DISP1: variants seen among roughly 807,000 people sequenced by gnomAD.
DISP1 encodes dispatched RND transporter family member 1.
Under a neutral mutation model 37.3 loss-of-function variants are expected in DISP1, and 30 were observed. The ratio of observed to expected loss-of-function variants is 0.80; its 90% confidence interval spans 0.60 to 1.09. The LOEUF (loss-of-function observed/expected upper bound fraction) is 1.09, where lower values mean the gene tolerates loss of function less well. DISP1 is among the 50% of genes least tolerant of loss of function. The probability of loss-of-function intolerance (pLI) is 0.00; values close to 1 mark genes in which losing one functional copy is unlikely to be tolerated. For missense variants in DISP1, 1,598 were observed against 1,879.5 expected (o/e 0.85, Z 2.77); for synonymous variants, 634 against 690.2 (o/e 0.92, Z 1.28).
chr1:222,846,356 T>A (rs1276898452), intron 1 of DISP1, among the ~76,000 whole-genome samples: 1 of 152,172 alleles, frequency 6.6e-6, no homozygotes, highest in African/African-American at 2.4e-5. Flanking sequence ...CTGGGTGTGG[T>A]GGCGCATGCC....
chr1:222,862,354 C>T (rs186187103), intron 1 of DISP1, among the ~76,000 whole-genome samples: 98 of 151,932 alleles, frequency 6.5e-4, no homozygotes, highest in Non-Finnish European at 1.0e-3. Context: ...GCCATTACAC[C>T]CTTTTACTCC....
intron 8 of DISP1, 35 bp from the exon 9 acceptor site, chr1:223,002,350 A>T (rs1679518542): frequency 6.3e-7 from 1 of 1,592,308 alleles, no homozygotes; most frequent in African/African-American, 1.3e-5. Flanking sequence ...AACCAATTTA[A>T]ACTGTAGTCC....
chr1:222,992,002 T>C lies in DISP1; in HGVS notation c.792-11T>C. 3 of 1,603,544 alleles carry C rather than the reference T, an allele frequency of 1.9e-6. No homozygotes were observed. The highest frequency in any genetic ancestry group is 2.6e-6 in the Non-Finnish European group (3 of 1,170,540). ...AACTTTATTGAAGATCAAATTGTCG[T>C]TCCATTTCAGCCATCGGGATGATAG... is the stretch of plus-strand genomic sequence containing the variant. On this transcript the variant is annotated splice_polypyrimidine_tract_variant and intron_variant, in intron 6 of 8. Transcript: ENST00000675850.
chr1:222,978,424 C>G (rs573151895), intron 3 of DISP1, among the ~76,000 whole-genome samples: 1 of 152,200 alleles, frequency 6.6e-6, no homozygotes, highest in Admixed American at 6.5e-5. Context: ...GATATTAGCC[C>G]GTTGTCAGAT....
At chr1:222,914,953 C>T (rs1272639906) in intron 1 of DISP1, among the ~76,000 whole-genome samples, 2 of 151,966 alleles carry the variant, frequency 1.3e-5, no homozygotes, top group African/African-American at 2.4e-5. Flanking sequence ...GTTGTCAGAG[C>T]AAGACTCTGT....
intron 1 of DISP1, among the ~76,000 whole-genome samples, chr1:222,907,735 A>C (rs569675582): frequency 2.0e-5 from 3 of 152,220 alleles, no homozygotes; most frequent in Non-Finnish European, 4.4e-5. Flanking sequence ...GCGGATCACG[A>C]GGTCAGGAGT....
chr1:222,924,197 A>G (rs1397327187), intron 1 of DISP1, among the ~76,000 whole-genome samples: 8 of 152,150 alleles, frequency 5.3e-5, no homozygotes, highest in Non-Finnish European at 1.0e-4. Context: ...TTTTCCTGCA[A>G]TTTGCTTGCA....
At chr1:222,912,540 T>C (rs1027637663) in intron 1 of DISP1, among the ~76,000 whole-genome samples, 1 of 152,202 alleles carries the variant, frequency 6.6e-6, no homozygotes, top group Non-Finnish European at 1.5e-5. Context: ...TTTTCCCACA[T>C]TTCCTTTACA....
chr1:222,936,830 A>AT (rs1558340075), intron 2 of DISP1, among the ~76,000 whole-genome samples: 1,775 of 49,674 alleles, frequency 0.036, 87 homozygotes, highest in African/African-American at 0.078. Flanking sequence ...TAATATATAT[A>AT]AATTATATAT....
Position 223,002,369 on chromosome 1 carries a change from GTC to G in DISP1, c.988-12_988-11del. 1.2e-6 allele frequency: 2 copies of G among 1,610,704 alleles called. No individual in the cohort carries two copies. Among genetic ancestry groups the G allele is most frequent in the Non-Finnish European group, 1.7e-6 (2 of 1,177,286 alleles). ...AATTTAAACTGTAGTCCTTCTGCTT[GTC>G]TCTATCTCTGCAGATCAGATCTCAT... is the stretch of plus-strand genomic sequence containing the variant. On this transcript the variant is annotated splice_polypyrimidine_tract_variant and intron_variant, in intron 8 of 8. Coordinates refer to ENST00000675850, the MANE Select transcript of DISP1 (RefSeq NM_001377229.1).
intron 1 of DISP1, among the ~76,000 whole-genome samples, chr1:222,875,348 C>T (rs566289917): frequency 6.6e-6 from 1 of 152,034 alleles, no homozygotes; most frequent in South Asian, 2.1e-4. Flanking sequence ...TAAATATCCC[C>T]TATTCAGTTT....
chr1:222,828,719 C>G (rs139884044), intron 1 of DISP1, among the ~76,000 whole-genome samples: 1,854 of 152,144 alleles, frequency 0.012, 58 homozygotes, highest in Admixed American at 0.063. Flanking sequence ...TATGTAGATT[C>G]CCCAGGGGCA....
intron 1 of DISP1, among the ~76,000 whole-genome samples, chr1:222,869,961 C>A (rs1669437485): frequency 6.6e-6 from 1 of 151,956 alleles, no homozygotes; most frequent in Non-Finnish European, 1.5e-5. Context: ...CACAACAGTC[C>A]CCAGTGTGTG....
intron 4 of DISP1, chr1:222,989,604 A>G (rs1399937960): frequency 1.9e-5 from 19 of 975,010 alleles, no homozygotes; most frequent in Non-Finnish European, 2.2e-5. Context: ...AGTTCTGCAC[A>G]TGTGGGAAGA....
intron 1 of DISP1, among the ~76,000 whole-genome samples, chr1:222,924,080 A>C (rs530204397): frequency 3.1e-4 from 47 of 152,300 alleles, no homozygotes; most frequent in African/African-American, 1.1e-3. Flanking sequence ...AGGAAATGAG[A>C]TAAGAAAGAA....
At chr1:222,894,852 T>A (rs1314729157) in intron 1 of DISP1, among the ~76,000 whole-genome samples, 1 of 152,232 alleles carries the variant, frequency 6.6e-6, no homozygotes, top group Non-Finnish European at 1.5e-5. Context: ...ATTATTATTT[T>A]AAAACACATA....
intron 2 of DISP1, among the ~76,000 whole-genome samples, chr1:222,937,772 G>A (rs919287253): frequency 3.5e-5 from 5 of 142,076 alleles, no homozygotes; most frequent in African/African-American, 5.4e-5. Context: ...CACATCTCAA[G>A]CCAATGCTTC....
intron 3 of DISP1, among the ~76,000 whole-genome samples, chr1:222,981,256 G>A (rs1312625075): frequency 1.3e-5 from 2 of 152,176 alleles, no homozygotes; most frequent in Non-Finnish European, 2.9e-5. Context: ...AGCAAATTAG[G>A]TATCAAGAGA....
chr1:222,827,224 A>AT (rs1188926015), intron 1 of DISP1: 1 of 152,168 alleles, frequency 6.6e-6, no homozygotes, highest in African/African-American at 2.4e-5. Context: ...TGAGGAACAG[A>AT]TTTGCCATTT....
Sources: gnomAD v4.1 joint callset for allele counts (sites outside exome capture counted in the v4.1 genomes callset) on GRCh38, gnomAD v4.1.1 for gene constraint, MANE v1.5 for transcripts, NCBI Gene and HGNC (gene_info 2026-07-23, HGNC 2026-07-21) for gene names.